Variants in PSG2 observed in about 807,000 individuals in gnomAD.
PSG2 encodes the protein pregnancy specific beta-1-glycoprotein 2, also known as pregnancy-specific beta-1-glycoprotein 2.
PSG2 carries 49 observed loss-of-function variants against 36.2 expected under a neutral mutation model. The observed-to-expected ratio is 1.35, with a 90% CI of 1.08 to 1.72. PSG2 has a LOEUF of 1.72. PSG2 is among the 40% of genes most tolerant of loss of function. PSG2 has a pLI of 0.00. For synonymous variants in PSG2, 261 were observed against 155.6 expected, an observed-to-expected ratio of 1.68 and a Z score of -5.04; for missense variants, 605 against 407.2, an observed-to-expected ratio of 1.49 and a Z score of -4.18.
At position 43,072,163 on chromosome 19, in the gene PSG2, G is replaced by A. The variant is rs530841225; in HGVS notation, c.710-209C>T. 1.5e-4 allele frequency among the ~76,000 whole-genome samples: 23 copies of A among 151,716 alleles called. 1 individual carries two copies. In the South Asian group the frequency reaches 3.1e-3, roughly 21 times the overall value. On this transcript the variant is annotated intron_variant, in intron 3 of 5. Coordinates refer to ENST00000406487, the MANE Select transcript of PSG2 (RefSeq NM_031246.4). ...GCCCCAAGTCTCCCACGACAAGACC[G>A]TCCACTCCCCTTATATTCTTGGTTA...
At chr19:43,074,870 A>G (rs1967868523) in intron 3 of PSG2, among the ~76,000 whole-genome samples, 1 of 151,424 alleles carries the variant, frequency 6.6e-6, no homozygotes, top group Non-Finnish European at 1.5e-5. Context: ...CCAGTGGGTG[A>G]GTGTCTGTGA....
Position 43,064,371 on chromosome 19 carries a change from G to C in PSG2, c.*271C>G. ...AAGAAAAAATGTTCATAAATCTGGA[G>C]AATGAAACATTCCAAGAATCAGCAC... On this transcript the variant is annotated 3_prime_UTR_variant, in exon 6 of 6. Coordinates refer to ENST00000406487, the MANE Select transcript of PSG2 (RefSeq NM_031246.4). 1 of 310,308 alleles carries C rather than the reference G, an allele frequency of 3.2e-6. No individual in the cohort carries two copies. Among genetic ancestry groups the C allele is most frequent in the Non-Finnish European group, 6.3e-6 (1 of 158,664 alleles). The allele number at this position is 310,308 out of a possible 1,614,324, so 19.2% of individuals were successfully genotyped here. A position where few individuals can be genotyped will look rare whatever the true frequency, so the allele number is the denominator to read the frequency against.
chr19:43,074,255 G>C (rs2122906175), intron 3 of PSG2, among the ~76,000 whole-genome samples: 1 of 151,440 alleles, frequency 6.6e-6, no homozygotes, highest in Admixed American at 6.6e-5. Context: ...TTCTGGGAGG[G>C]GTTGCATTGA....
At position 43,069,057 on chromosome 19, in the gene PSG2, A is replaced by G. The variant is rs1371412940; in HGVS notation, c.965-2457T>C. ...GCATTCAAACGTCAGTTGTATTTCA[A>G]TACACTAACCATGAACAGTCTGAAG... is the stretch of plus-strand genomic sequence containing the variant. On this transcript the variant is annotated intron_variant, in intron 4 of 5. Coordinates refer to ENST00000406487, the MANE Select transcript of PSG2 (RefSeq NM_031246.4). Among the ~76,000 whole-genome samples the G allele has an allele frequency of 4.0e-5, 6 of 151,746 alleles. No individual in the cohort carries two copies. In the East Asian group the frequency reaches 5.8e-4, roughly 15 times the overall value.
chr19:43,071,690 A>G lies in PSG2; in HGVS notation c.964+10T>C, dbSNP rs113647247. On this transcript the variant is annotated intron_variant, in intron 4 of 5. Transcript: ENST00000406487. ...AAACCCTACTGCCAAGGATGCTGGG[A>G]TCCACTTACCAGAGACTTTGACTGT... The G allele has an allele frequency of 1.0e-4, 164 of 1,612,884 alleles. 7 individuals are homozygous for G. In the African/African-American group the frequency reaches 1.8e-3, roughly 17 times the overall value.
intron 4 of PSG2, among the ~76,000 whole-genome samples, chr19:43,071,450 A>G (rs1217634658): frequency 6.6e-6 from 1 of 151,562 alleles, no homozygotes; most frequent in Non-Finnish European, 1.5e-5. Flanking sequence ...TCTACCACAT[A>G]GGGCTCAGGG....
intron 2 of PSG2, among the ~76,000 whole-genome samples, chr19:43,078,720 T>C (rs578199200): frequency 9.2e-5 from 14 of 151,864 alleles, no homozygotes; most frequent in African/African-American, 2.7e-4. Context: ...AATAAACCTC[T>C]GTCCTCCTGT....
At chr19:43,069,615 G>T (rs1328719033) in intron 4 of PSG2, among the ~76,000 whole-genome samples, 2 of 151,656 alleles carry the variant, frequency 1.3e-5, no homozygotes, top group African/African-American at 4.9e-5. Flanking sequence ...AAGGGACAGT[G>T]TTCTCACCAA....
chr19:43,072,104 A>T, intron 3 of PSG2, 150 bp from the exon 4 acceptor site: 1 of 1,379,830 alleles, frequency 7.2e-7, no homozygotes, highest in South Asian at 1.4e-5. Flanking sequence ...CGAACCCTGA[A>T]GTATTCACCT....
chr19:43,082,122 C>CTTTTTTTTTTTTTTTTTT (rs71169213), intron 1 of PSG2: 1 of 67,940 alleles, frequency 1.5e-5, no homozygotes, highest in Non-Finnish European at 2.7e-5. Flanking sequence ...TTTCTTCTCT[C>CTTTTTTTTTTTTTTTTTT]TTTTTTTTTT....
intron 4 of PSG2, among the ~76,000 whole-genome samples, chr19:43,068,845 A>G (rs778716373): frequency 6.6e-6 from 1 of 151,710 alleles, no homozygotes; most frequent in Admixed American, 6.6e-5. Context: ...TTTATTCAAC[A>G]TAGTGTTGAA....
Position 43,081,386 on chromosome 19 carries a change from C to G in PSG2, c.65-140G>C, listed in dbSNP as rs544832259. ...ACACACACACACACACACACACACACACACACACACACAAAAGGGGCATGT... is the reference window on the plus strand; with the variant it reads ...ACACACACACACACACACACACACAGACACACACACACAAAAGGGGCATGT... On this transcript the variant is annotated intron_variant, in intron 1 of 5. Transcript: ENST00000406487. The G allele has an allele frequency of 2.4e-5, 30 of 1,245,094 alleles. No homozygotes were observed. The African/African-American group carries it at 3.6e-4, about 15-fold the overall frequency. The allele number at this position is 1,245,094 out of a possible 1,614,324, so 77.1% of individuals were successfully genotyped here.
At chr19:43,080,522 G>A (rs1967956337) in intron 2 of PSG2, among the ~76,000 whole-genome samples, 1 of 151,732 alleles carries the variant, frequency 6.6e-6, no homozygotes, top group Non-Finnish European at 1.5e-5. Context: ...GCTTCTCTGA[G>A]AGTATCTCAG....
rs983026158 is a variant in PSG2, at chr19:43,081,307, G to A, written c.65-61C>T. ...CCTATGTATTGGGGTGAAAAGATGG[G>A]GCCCTGGGTCCTGAGGAGGTCTCTT... is the stretch of plus-strand genomic sequence containing the variant. On this transcript the variant is annotated intron_variant, in intron 1 of 5. Coordinates refer to ENST00000406487, the MANE Select transcript of PSG2 (RefSeq NM_031246.4). 1.5e-5 allele frequency: 23 copies of A among 1,561,546 alleles called. No individual in the cohort carries two copies. The African/African-American group carries it at 1.5e-4, about 10-fold the overall frequency.
rs775897571 is a variant in PSG2 at position 43,071,818 on chromosome 19, T to C, written c.846A>G (p.Ser282=). The change falls in exon 4 of 6, where the codon TCA becomes TCG. Residue 282 remains serine (S), a synonymous_variant. Coordinates refer to ENST00000406487, the MANE Select transcript of PSG2 (RefSeq NM_031246.4). ...TTTGGGGGATAAACAGATTTTGTCC[T>C]GATTGCTGAAACTTCCCATTAATTG... The part of the protein sequence containing the change: ...SWTINGKFQQ[S]GQNLFIPQIT... 2 of 1,613,158 alleles carry C rather than the reference T, an allele frequency of 1.2e-6. No homozygotes were observed. Among genetic ancestry groups the C allele is most frequent in the South Asian group, 2.2e-5 (2 of 91,034 alleles).
intron 2 of PSG2, among the ~76,000 whole-genome samples, chr19:43,079,567 G>A (rs1162369841): frequency 6.6e-6 from 1 of 151,596 alleles, no homozygotes; most frequent in Non-Finnish European, 1.5e-5. Flanking sequence ...TGTGAGTGGG[G>A]AAAGAAAACA....
chr19:43,067,516 T>C (rs1448752022), intron 4 of PSG2, among the ~76,000 whole-genome samples: 1 of 151,488 alleles, frequency 6.6e-6, no homozygotes, highest in East Asian at 1.9e-4. Flanking sequence ...GGCCCTGTGC[T>C]AAATACTTCC....
chr19:43,079,462 T>C (rs991926757), intron 2 of PSG2, among the ~76,000 whole-genome samples: 2 of 151,466 alleles, frequency 1.3e-5, no homozygotes, highest in Admixed American at 1.3e-4. Flanking sequence ...TCTAAAGAGG[T>C]TTTGGATCAT....
intron 3 of PSG2, among the ~76,000 whole-genome samples, chr19:43,072,888 C>T (rs1280061909): frequency 1.3e-5 from 2 of 151,684 alleles, no homozygotes; most frequent in Non-Finnish European, 2.9e-5. Context: ...ACAGACATGT[C>T]AGTGGGAGTC....
Sources: allele counts gnomAD v4.1 joint callset (sites outside exome capture counted in the v4.1 genomes callset), GRCh38; gene constraint gnomAD v4.1.1; transcripts MANE v1.5; gene names NCBI Gene and HGNC (gene_info 2026-07-23, HGNC 2026-07-21).